FER: variants seen among roughly 807,000 people sequenced by gnomAD.
FER encodes tyrosine-protein kinase Fer.
FER carries 63 observed loss-of-function variants against 111.0 expected under a neutral mutation model. The ratio of observed to expected loss-of-function variants is 0.57; its 90% CI spans 0.46 to 0.70. The LOEUF (loss-of-function observed/expected upper bound fraction) is 0.70. FER is among the 30% of genes least tolerant of loss of function. The probability of loss-of-function intolerance (pLI) is 0.00; values close to 1 mark genes in which losing one functional copy is unlikely to be tolerated. For missense variants in FER, 914 were observed against 954.0 expected (o/e 0.96, Z 0.55); for synonymous variants, 327 against 313.9 (o/e 1.04, Z -0.44).
intron 11 of FER, among the ~76,000 whole-genome samples, chr5:108,951,597 GATAATT>G (rs2149644292): frequency 6.6e-6 from 1 of 152,224 alleles, no homozygotes; most frequent in East Asian, 1.9e-4. Flanking sequence ...GAATAGAAAA[GATAATT>G]AAATGTCATT....
intron 10 of FER, among the ~76,000 whole-genome samples, chr5:108,928,587 T>G (rs1754115388): frequency 6.6e-6 from 1 of 152,128 alleles, no homozygotes; most frequent in Admixed American, 6.5e-5. Context: ...CCTTTCTGAT[T>G]GTTTAGTTTT....
intron 10 of FER, chr5:108,924,715 G>T (rs544417475): frequency 8.1e-7 from 1 of 1,231,950 alleles, no homozygotes; most frequent in Admixed American, 4.2e-5. Flanking sequence ...GTCTGGTTTC[G>T]GCTCCCAATC....
chr5:109,097,909 A>G (rs1266906433), intron 16 of FER, among the ~76,000 whole-genome samples: 1 of 151,818 alleles, frequency 6.6e-6, no homozygotes, highest in Admixed American at 6.6e-5. Flanking sequence ...AAAGCTGACT[A>G]GGCTTGTGGA....
intron 17 of FER, among the ~76,000 whole-genome samples, chr5:109,116,887 C>T (rs532130998): frequency 1.4e-4 from 21 of 152,086 alleles, no homozygotes; most frequent in Admixed American, 5.2e-4. Context: ...ATAATAAATA[C>T]GTATTTTTGT....
intron 13 of FER, among the ~76,000 whole-genome samples, chr5:109,009,338 T>A (rs550914477): frequency 1.3e-5 from 2 of 152,106 alleles, no homozygotes; most frequent in African/African-American, 4.8e-5. Flanking sequence ...CCGGCCCTCT[T>A]CCATCTTTTT....
At chr5:109,106,081 C>T (rs896581171) in intron 17 of FER, among the ~76,000 whole-genome samples, 2 of 152,190 alleles carry the variant, frequency 1.3e-5, no homozygotes, top group Admixed American at 6.5e-5. Flanking sequence ...AGGCCACACA[C>T]TGAATCTACT....
intron 3 of FER, among the ~76,000 whole-genome samples, chr5:108,826,689 A>G (rs1759509404): frequency 6.6e-6 from 1 of 152,234 alleles, no homozygotes; most frequent in Admixed American, 6.5e-5. Context: ...ATTCTTCTAT[A>G]AATGTTTTGT....
At chr5:108,942,951 G>A (rs1756473994) in intron 10 of FER, among the ~76,000 whole-genome samples, 1 of 152,046 alleles carries the variant, frequency 6.6e-6, no homozygotes, top group Non-Finnish European at 1.5e-5. Context: ...TAAGTAGCTG[G>A]CTGTTCCTAC....
At chr5:108,821,338 G>A (rs1758822128) in intron 3 of FER, among the ~76,000 whole-genome samples, 1 of 152,038 alleles carries the variant, frequency 6.6e-6, no homozygotes, top group African/African-American at 2.4e-5. Flanking sequence ...CGGGGAAAGA[G>A]ACTAGTCAAT....
intron 9 of FER, among the ~76,000 whole-genome samples, chr5:108,888,497 C>T (rs993479623): frequency 6.6e-6 from 1 of 151,814 alleles, no homozygotes; most frequent in African/African-American, 2.4e-5. Flanking sequence ...CAGAAGATAA[C>T]CTGCATGTGA....
intron 10 of FER, among the ~76,000 whole-genome samples, chr5:108,920,175 T>G (rs1385057761): frequency 6.6e-6 from 1 of 152,110 alleles, no homozygotes; most frequent in African/African-American, 2.4e-5. Flanking sequence ...TTGAGGTATT[T>G]TATCACCTTA....
chr5:108,792,512 T>C (rs1363335925), intron 2 of FER, among the ~76,000 whole-genome samples: 1 of 151,898 alleles, frequency 6.6e-6, no homozygotes, highest in African/African-American at 2.4e-5. Context: ...TAATTTTGTA[T>C]TTTTAGTAGA....
chr5:109,016,414 A>G (rs1767132133), intron 13 of FER, among the ~76,000 whole-genome samples: 1 of 152,054 alleles, frequency 6.6e-6, no homozygotes, highest in Non-Finnish European at 1.5e-5. Flanking sequence ...TTTGTTGAAT[A>G]TGAATAAAGA....
chr5:109,024,697 C>A (rs960982415), intron 13 of FER, among the ~76,000 whole-genome samples: 7 of 152,162 alleles, frequency 4.6e-5, no homozygotes, highest in Non-Finnish European at 5.9e-5. Context: ...GGATAAGAAA[C>A]TCCTGAGAGC....
At chr5:108,809,714 C>T (rs1476423595) in intron 3 of FER, among the ~76,000 whole-genome samples, 2 of 152,266 alleles carry the variant, frequency 1.3e-5, no homozygotes, top group East Asian at 3.9e-4. Context: ...AAGTGTGGAC[C>T]ACCATGCCTG....
At chr5:108,857,738 T>C (rs1362390795) in intron 5 of FER, among the ~76,000 whole-genome samples, 36 of 152,184 alleles carry the variant, frequency 2.4e-4, no homozygotes, top group Non-Finnish European at 2.9e-5. Context: ...TAAATTTATG[T>C]ATTAATTTAA....
At position 109,181,531 on chromosome 5, in the gene FER, G is replaced by A. The variant is rs904869662; in HGVS notation, c.2203+630G>A. Among the ~76,000 whole-genome samples, 14 of 152,252 alleles carry A rather than the reference G, an allele frequency of 9.2e-5. No individual in the cohort carries two copies. In the East Asian group the frequency reaches 1.3e-3, roughly 15 times the overall value. On this transcript the variant is annotated intron_variant, in intron 18 of 19. Transcript: ENST00000281092. ...CTCAAGAATTTAAGAGAAAAAAAAA[G>A]TGTGCTTTAAATAAAATTAGAAATT...
At chr5:108,768,613 C>T (rs1021665579) in intron 2 of FER, among the ~76,000 whole-genome samples, 2 of 152,056 alleles carry the variant, frequency 1.3e-5, no homozygotes, top group African/African-American at 4.8e-5. Flanking sequence ...CCATTAATAG[C>T]ATTATTAATC....
intron 17 of FER, among the ~76,000 whole-genome samples, chr5:109,105,080 A>C (rs1748731136): frequency 1.3e-5 from 2 of 152,106 alleles, no homozygotes; most frequent in South Asian, 4.1e-4. Context: ...TGGGAAAACT[A>C]ATTTAGGAAG....
Sources: allele counts gnomAD v4.1 joint callset (sites outside exome capture counted in the v4.1 genomes callset), GRCh38; gene constraint gnomAD v4.1.1; transcripts MANE v1.5; gene names NCBI Gene and HGNC (gene_info 2026-07-23, HGNC 2026-07-21).